NKAIN3: variants seen among roughly 807,000 people sequenced by gnomAD.
The protein encoded by NKAIN3 is sodium/potassium-transporting ATPase subunit beta-1-interacting protein 3.
NKAIN3 carries 25 observed loss-of-function variants against 30.2 expected under a neutral mutation model. The observed-to-expected ratio is 0.83, with a 90% confidence interval of 0.60 to 1.16. The LOEUF (loss-of-function observed/expected upper bound fraction) is 1.16. Among genes scored for constraint, NKAIN3 ranks in the 50% most tolerant of loss-of-function variants. The pLI is 0.00. For missense variants in NKAIN3, 225 were observed against 254.1 expected (o/e 0.89, Z 0.78); for synonymous variants, 91 against 89.6 (o/e 1.02, Z -0.09).
At chr8:62,710,022 G>A (rs1586115008) in intron 3 of NKAIN3, among the ~76,000 whole-genome samples, 1 of 152,038 alleles carries the variant, frequency 6.6e-6, no homozygotes, top group African/African-American at 2.4e-5. Flanking sequence ...CCATGTATTT[G>A]CATTGTTTTG....
chr8:62,863,149 A>G, intron 4 of NKAIN3: 2 of 1,502,432 alleles, frequency 1.3e-6, no homozygotes, highest in Admixed American at 1.7e-5. Context: ...GTTTTCTTCT[A>G]TTATTTTCCT....
intron 1 of NKAIN3, among the ~76,000 whole-genome samples, chr8:62,337,911 G>A (rs952145424): frequency 1.9e-4 from 29 of 152,128 alleles, no homozygotes; most frequent in African/African-American, 7.0e-4. Context: ...CTTGTGAGTC[G>A]CTGTTGCACA....
chr8:62,509,599 C>T (rs1282265975), intron 1 of NKAIN3, among the ~76,000 whole-genome samples: 3 of 152,114 alleles, frequency 2.0e-5, no homozygotes, highest in African/African-American at 7.2e-5. Flanking sequence ...ATATTGTGAT[C>T]ACTAAATTGC....
intron 1 of NKAIN3, among the ~76,000 whole-genome samples, chr8:62,572,378 C>G (rs1809972528): frequency 6.6e-6 from 1 of 152,144 alleles, no homozygotes; most frequent in Admixed American, 6.5e-5. Flanking sequence ...AGACATTCAA[C>G]AAGTCTCTAG....
At chr8:62,508,142 T>C (rs939872218) in intron 1 of NKAIN3, among the ~76,000 whole-genome samples, 4 of 152,154 alleles carry the variant, frequency 2.6e-5, no homozygotes, top group Non-Finnish European at 5.9e-5. Flanking sequence ...GTGGAGAAAG[T>C]AGTTCTGTGA....
chr8:62,545,600 GCA>G (rs1046231264), intron 1 of NKAIN3, among the ~76,000 whole-genome samples: 1 of 151,990 alleles, frequency 6.6e-6, no homozygotes, highest in Non-Finnish European at 1.5e-5. Flanking sequence ...AAATAAATCA[GCA>G]CACCTTCTAT....
At chr8:62,602,051 C>A (rs1264276213) in intron 3 of NKAIN3, among the ~76,000 whole-genome samples, 1 of 151,926 alleles carries the variant, frequency 6.6e-6, no homozygotes, top group Non-Finnish European at 1.5e-5. Flanking sequence ...AATCTTTATC[C>A]TAAAAAGCCA....
chr8:62,627,349 G>A (rs972858033), intron 3 of NKAIN3, among the ~76,000 whole-genome samples: 3 of 152,090 alleles, frequency 2.0e-5, no homozygotes, highest in Non-Finnish European at 1.5e-5. Flanking sequence ...TCCTGGGAGG[G>A]TCTAAGTGCT....
intron 1 of NKAIN3, among the ~76,000 whole-genome samples, chr8:62,446,462 T>C (rs921323717): frequency 3.9e-5 from 6 of 152,058 alleles, no homozygotes; most frequent in Non-Finnish European, 1.5e-5. Flanking sequence ...TGTGGCAAAA[T>C]ATGCATAACC....
chr8:62,338,603 T>G (rs113834992), intron 1 of NKAIN3, among the ~76,000 whole-genome samples: 1,705 of 151,922 alleles, frequency 0.011, 22 homozygotes, highest in Non-Finnish European at 0.015. Context: ...GGTATATATA[T>G]AGAGAGAGGG....
intron 4 of NKAIN3, among the ~76,000 whole-genome samples, chr8:62,783,246 T>A (rs1178929299): frequency 6.6e-6 from 1 of 152,080 alleles, no homozygotes; most frequent in Non-Finnish European, 1.5e-5. Context: ...GATTAAGTCA[T>A]GAGGGCTTTG....
chr8:62,936,356 TG>T (rs1348295441), intron 5 of NKAIN3, among the ~76,000 whole-genome samples: 3 of 152,140 alleles, frequency 2.0e-5, no homozygotes, highest in Admixed American at 2.0e-4. Context: ...TTGTCAAGCA[TG>T]TCCTGCTCTT....
At chr8:62,298,277 C>G (rs867708444) in intron 1 of NKAIN3, among the ~76,000 whole-genome samples, 1 of 152,170 alleles carries the variant, frequency 6.6e-6, no homozygotes, top group Non-Finnish European at 1.5e-5. Context: ...ACATATGTAA[C>G]AAATCTGCAC....
intron 4 of NKAIN3, chr8:62,855,313 GA>G: frequency 1.8e-6 from 1 of 561,108 alleles, no homozygotes; most frequent in Non-Finnish European, 3.3e-6. Flanking sequence ...GTCAGGCCTG[GA>G]AGTGCTCAGA....
intron 4 of NKAIN3, 58 bp from the exon 5 acceptor site, chr8:62,918,395 C>T (rs1703895919): frequency 1.6e-6 from 2 of 1,255,614 alleles, no homozygotes; most frequent in Non-Finnish European, 2.3e-6. Context: ...TATATTGGCT[C>T]TTTAAGTATG....
chr8:62,891,556 G>A (rs1821296424), intron 4 of NKAIN3, among the ~76,000 whole-genome samples: 1 of 152,088 alleles, frequency 6.6e-6, no homozygotes, highest in Non-Finnish European at 1.5e-5. Flanking sequence ...CCTATTAGTT[G>A]TGTCCCTCTA....
At chr8:62,912,638 A>G (rs754757291) in intron 4 of NKAIN3, among the ~76,000 whole-genome samples, 32 of 152,066 alleles carry the variant, frequency 2.1e-4, no homozygotes, top group Non-Finnish European at 4.1e-4. Context: ...AGCTGGGTGC[A>G]GTGGCTCACG....
At chr8:62,409,082 C>A (rs867836935) in intron 1 of NKAIN3, among the ~76,000 whole-genome samples, 1 of 152,112 alleles carries the variant, frequency 6.6e-6, no homozygotes, top group African/African-American at 2.4e-5. Flanking sequence ...TTTTTTCATG[C>A]GCTTATATAA....
chr8:62,643,864 A>G (rs1179156398), intron 3 of NKAIN3, among the ~76,000 whole-genome samples: 1 of 152,100 alleles, frequency 6.6e-6, no homozygotes, highest in Non-Finnish European at 1.5e-5. Flanking sequence ...GTTTTAATAA[A>G]GTAATTGTTG....
Sources: allele counts gnomAD v4.1 joint callset (sites outside exome capture counted in the v4.1 genomes callset), GRCh38; gene constraint gnomAD v4.1.1; transcripts MANE v1.5; gene names NCBI Gene and HGNC (gene_info 2026-07-23, HGNC 2026-07-21).